Variants in LPP observed in about 807,000 individuals in gnomAD.
LPP encodes the protein LIM domain containing preferred translocation partner in lipoma, also known as lipoma-preferred partner.
Under a neutral mutation model 60.4 loss-of-function variants are expected in LPP, and 38 were observed. That is an observed-to-expected ratio of 0.63 (90% CI 0.49 to 0.83). The LOEUF (loss-of-function observed/expected upper bound fraction) is 0.83. Among genes scored for constraint, LPP ranks in the 40% least tolerant of loss-of-function variants. The pLI, the probability that LPP is intolerant of heterozygous loss-of-function variation, is 0.00. For synonymous variants in LPP, 328 were observed against 290.8 expected (o/e 1.13, Z -1.30); for missense variants, 902 against 783.6 (o/e 1.15, Z -1.80).
chr3:188,829,870 T>G (rs1043273469), intron 9 of LPP, among the ~76,000 whole-genome samples: 4 of 151,984 alleles, frequency 2.6e-5, no homozygotes, highest in African/African-American at 9.7e-5. Flanking sequence ...TGGGATAGTT[T>G]GAAGATTAAA....
chr3:188,348,676 T>C (rs1765038994), intron 3 of LPP, among the ~76,000 whole-genome samples: 1 of 152,224 alleles, frequency 6.6e-6, no homozygotes, highest in Admixed American at 6.5e-5. Context: ...TTGTTAGAAA[T>C]GCAAATCTCA....
chr3:188,609,858 T>C lies in LPP; in HGVS notation c.1113+14T>C, dbSNP rs1269006579. The C allele has an allele frequency of 6.9e-6, 11 of 1,600,180 alleles. 1 individual carries two copies. In the South Asian group the frequency reaches 1.2e-4, roughly 18 times the overall value. ...TTGCAGCCAAAGGTAAGAAACTCAG[T>C]AACATAAGGAGGAGAATACAGGGGT... On this transcript the variant is annotated intron_variant, in intron 7 of 11. Coordinates refer to ENST00000617246, the MANE Select transcript of LPP (RefSeq NM_001375462.1). This position sits in a 1 kb window ranked among gnomAD's most constrained non-coding sequence, Gnocchi z 6.9.
intron 7 of LPP, among the ~76,000 whole-genome samples, chr3:188,704,078 C>G (rs1052299524): frequency 6.6e-6 from 1 of 151,920 alleles, no homozygotes; most frequent in African/African-American, 2.4e-5. Context: ...ATATTTTATA[C>G]TTTTCTAGCA....
intron 7 of LPP, among the ~76,000 whole-genome samples, chr3:188,687,861 A>C (rs1439675071): frequency 2.9e-5 from 4 of 138,750 alleles, no homozygotes; most frequent in African/African-American, 1.1e-4. Context: ...TGCAACCTCC[A>C]CCTCCCGGGT....
intron 7 of LPP, among the ~76,000 whole-genome samples, chr3:188,620,812 A>G (rs1845668614): frequency 6.6e-6 from 1 of 152,100 alleles, no homozygotes; most frequent in Non-Finnish European, 1.5e-5. Context: ...ACCGCATTTG[A>G]TTTTATTCAT....
rs1436203706 is a variant in LPP at position 188,330,545 on chromosome 3, T to TAG, written c.-66-11116_-66-11115dup. Among the ~76,000 whole-genome samples, 7 of 152,330 alleles carry TAG rather than the reference T, an allele frequency of 4.6e-5. No individual in the cohort carries two copies. The South Asian group carries it at 6.2e-4, about 14-fold the overall frequency. ...TTCCTATCCCAAAGTATGATTTGAT[T>TAG]AGACCTCAGGTTACCCTTCTGAATG... On this transcript the variant is annotated intron_variant, in intron 2 of 11. Coordinates refer to ENST00000617246, the MANE Select transcript of LPP (RefSeq NM_001375462.1).
chr3:188,158,049 G>A (rs1171427682), intron 1 of LPP, among the ~76,000 whole-genome samples: 1 of 152,144 alleles, frequency 6.6e-6, no homozygotes, highest in Non-Finnish European at 1.5e-5. Flanking sequence ...AAGTGGTTCT[G>A]TAGAGATTCA....
At chr3:188,246,265 A>G (rs532437153) in intron 2 of LPP, among the ~76,000 whole-genome samples, 1 of 151,686 alleles carries the variant, frequency 6.6e-6, no homozygotes, top group Non-Finnish European at 1.5e-5. Context: ...CTAGGTGTCT[A>G]TTTCTTTGGT....
At chr3:188,424,147 GGGGTCCA>G (rs2149072102) in intron 4 of LPP, among the ~76,000 whole-genome samples, 1 of 152,248 alleles carries the variant, frequency 6.6e-6, no homozygotes, top group South Asian at 2.1e-4. Flanking sequence ...GTGTAAGGAA[GGGGTCCA>G]GTTTCAGTTT....
intron 1 of LPP, among the ~76,000 whole-genome samples, chr3:188,174,546 G>T (rs1170366609): frequency 6.6e-6 from 1 of 152,206 alleles, no homozygotes; most frequent in African/African-American, 2.4e-5. Context: ...AGAGATGGGG[G>T]AGGAGGGACA....
intron 1 of LPP, among the ~76,000 whole-genome samples, chr3:188,223,400 C>A (rs1360820817): frequency 6.6e-6 from 1 of 152,028 alleles, no homozygotes; most frequent in South Asian, 2.1e-4. Flanking sequence ...GGAAACTTAC[C>A]ACGAAATTGA....
At chr3:188,203,526 A>ATTTTTAAATATATATAAAT (rs1553811237) in intron 1 of LPP, among the ~76,000 whole-genome samples, 3 of 32,458 alleles carry the variant, frequency 9.2e-5, no homozygotes, top group Non-Finnish European at 1.4e-4. Context: ...AATATATATA[A>ATTTTTAAATATATATAAAT]ATATATATTT....
Position 188,623,027 on chromosome 3 carries a change from T to TAAAAAA in LPP, c.1113+13198_1113+13203dup, listed in dbSNP as rs747020083. Among the ~76,000 whole-genome samples, 31 of 79,458 alleles carry TAAAAAA rather than the reference T, an allele frequency of 3.9e-4. 1 individual carries two copies. Among genetic ancestry groups the TAAAAAA allele is most frequent in the African/African-American group, 1.2e-3 (24 of 20,384 alleles). 52.1% of individuals were successfully genotyped at this position (79,458 alleles called of 152,430 possible). A position where few individuals can be genotyped will look rare whatever the true frequency, so the allele number is the denominator to read the frequency against. ...TGGGTGACAGAGAGAGACTCCATCT[T>TAAAAAA]AAAAAAAAAAAAAAAAAAAAGAGAG... On this transcript the variant is annotated intron_variant, in intron 7 of 11. Transcript: ENST00000617246.
chr3:188,872,153 A>G (rs1768274716), intron 10 of LPP, among the ~76,000 whole-genome samples: 1 of 152,174 alleles, frequency 6.6e-6, no homozygotes, highest in Non-Finnish European at 1.5e-5. Context: ...TTCTTATGTC[A>G]GTTCCTAGAA....
chr3:188,229,754 A>G (rs1235628150), intron 2 of LPP, among the ~76,000 whole-genome samples: 1 of 152,102 alleles, frequency 6.6e-6, no homozygotes, highest in Non-Finnish European at 1.5e-5. Flanking sequence ...ACATTCTCCT[A>G]TTTCTTGGCT....
At chr3:188,254,133 T>G (rs1463613517) in intron 2 of LPP, among the ~76,000 whole-genome samples, 1 of 152,192 alleles carries the variant, frequency 6.6e-6, no homozygotes, top group African/African-American at 2.4e-5. Context: ...CACATTAAAC[T>G]AAAACAAGGT....
At chr3:188,753,708 T>G (rs1728946971) in intron 8 of LPP, among the ~76,000 whole-genome samples, 1 of 152,138 alleles carries the variant, frequency 6.6e-6, no homozygotes. Context: ...CCGAAACTGT[T>G]TTGTGTCTAC....
intron 5 of LPP, among the ~76,000 whole-genome samples, chr3:188,494,745 T>G (rs1183920739): frequency 1.3e-5 from 2 of 152,174 alleles, no homozygotes. Flanking sequence ...TCTTCCAGGC[T>G]TCCTGGGTAC....
intron 6 of LPP, among the ~76,000 whole-genome samples, chr3:188,536,537 A>G (rs954612843): frequency 2.0e-5 from 3 of 152,266 alleles, no homozygotes; most frequent in Non-Finnish European, 4.4e-5. Context: ...GTCCATACAC[A>G]TATATTTGCC....
Sources: allele counts gnomAD v4.1 joint callset (sites outside exome capture counted in the v4.1 genomes callset), GRCh38; gene constraint gnomAD v4.1.1; non-coding constraint Gnocchi (gnomAD v3.1); transcripts MANE v1.5; gene names NCBI Gene and HGNC (gene_info 2026-07-23, HGNC 2026-07-21).